The following RSU1 variants were observed in gnomAD, a reference collection of about 807,000 sequenced individuals.
The protein encoded by RSU1 is Ras suppressor protein 1, also known as rsu-1.
Under a neutral mutation model 31.1 loss-of-function variants are expected in RSU1, and 26 were observed. That is an observed-to-expected ratio of 0.84 (90% CI 0.61 to 1.16). The LOEUF is 1.16. Among genes scored for constraint, RSU1 ranks in the 50% most tolerant of loss-of-function variants. RSU1 has a pLI of 0.00. For synonymous variants in RSU1, 164 were observed against 136.3 expected (o/e 1.20, Z -1.41); for missense variants, 320 against 339.1 (o/e 0.94, Z 0.44).
chr10:16,625,317 G>A (rs926308659), intron 8 of RSU1, among the ~76,000 whole-genome samples: 2 of 152,096 alleles, frequency 1.3e-5, no homozygotes, highest in Non-Finnish European at 2.9e-5. Context: ...CACCAGGCCC[G>A]CCCCTACCCA....
At chr10:16,808,938 C>T (rs1278905825) in intron 2 of RSU1, among the ~76,000 whole-genome samples, 1 of 152,154 alleles carries the variant, frequency 6.6e-6, no homozygotes, top group Non-Finnish European at 1.5e-5. Flanking sequence ...AAGACGGCCA[C>T]CTGCAAGCCC....
At chr10:16,625,956 G>A (rs1013304329) in intron 8 of RSU1, among the ~76,000 whole-genome samples, 22 of 152,124 alleles carry the variant, frequency 1.4e-4, no homozygotes, top group Admixed American at 7.2e-4. Flanking sequence ...GTGAACATTC[G>A]GTAACATACA....
chr10:16,611,480 G>A (rs1025266587), intron 8 of RSU1, among the ~76,000 whole-genome samples: 3 of 152,134 alleles, frequency 2.0e-5, no homozygotes, highest in South Asian at 4.1e-4. Context: ...GGTGAGATCC[G>A]AAGACGCTAC....
At chr10:16,772,985 T>C (rs182197117) in intron 3 of RSU1, among the ~76,000 whole-genome samples, 5 of 152,212 alleles carry the variant, frequency 3.3e-5, no homozygotes, top group African/African-American at 7.2e-5. Flanking sequence ...GGTGGGTGGA[T>C]TGCTGGAGCC....
chr10:16,755,927 C>A (rs1480148166), intron 4 of RSU1, among the ~76,000 whole-genome samples: 1 of 152,158 alleles, frequency 6.6e-6, no homozygotes, highest in African/African-American at 2.4e-5. Flanking sequence ...TGTTATTTTC[C>A]TCCAACGGTG....
At chr10:16,719,432 T>C (rs559640372) in intron 7 of RSU1, among the ~76,000 whole-genome samples, 1 of 152,298 alleles carries the variant, frequency 6.6e-6, no homozygotes, top group South Asian at 2.1e-4. Context: ...AAACACACCA[T>C]GGGCTGTCGC....
intron 5 of RSU1, among the ~76,000 whole-genome samples, chr10:16,753,305 T>C (rs1460394087): frequency 6.6e-6 from 1 of 152,236 alleles, no homozygotes; most frequent in Non-Finnish European, 1.5e-5. Flanking sequence ...TTCTCATAGA[T>C]TACTTTTGAT....
intron 3 of RSU1, among the ~76,000 whole-genome samples, chr10:16,765,107 AT>A (rs200632390): frequency 4.5e-4 from 67 of 149,834 alleles, no homozygotes; most frequent in African/African-American, 1.2e-3. Context: ...TATAGGTGCA[AT>A]TTTTTTTTTC....
rs1837272366 is a variant in RSU1, at chr10:16,764,432, G to A, written c.239C>T (p.Thr80Ile). 2 of 1,613,986 alleles carry A rather than the reference G, an allele frequency of 1.2e-6. No individual in the cohort carries two copies. The highest frequency in any genetic ancestry group is 2.7e-5 in the African/African-American group (2 of 75,000). ...GAGTTTCTGAAGGCTACTGATCTGTGTGGGCAGCTCCTCGATTTGGTTATT... is the reference window on the plus strand; with the variant it reads ...GAGTTTCTGAAGGCTACTGATCTGTATGGGCAGCTCCTCGATTTGGTTATT... ...FFNNQIEELP[T>I]QISSLQKLKH... is the part of the protein sequence containing the mutation. Residue 80 changes from threonine to isoleucine, a missense_variant, in exon 4 of 9, where the codon ACA becomes ATA. Physicochemically the swap from Thr to Ile is moderately conservative, Grantham distance 89 (BLOSUM62 -1). Transcript: ENST00000345264.
chr10:16,787,924 A>G (rs1837828997), intron 2 of RSU1, among the ~76,000 whole-genome samples: 1 of 152,238 alleles, frequency 6.6e-6, no homozygotes, highest in African/African-American at 2.4e-5. Context: ...GGGAAGAAGA[A>G]AAGCATTTTT....
At chr10:16,614,410 A>T (rs1833941703) in intron 8 of RSU1, among the ~76,000 whole-genome samples, 1 of 141,240 alleles carries the variant, frequency 7.1e-6, no homozygotes, top group South Asian at 2.2e-4. Context: ...GTTAATGGTT[A>T]AAAAAAAAAA....
At chr10:16,806,882 T>C (rs201705657) in intron 2 of RSU1, among the ~76,000 whole-genome samples, 2 of 152,180 alleles carry the variant, frequency 1.3e-5, no homozygotes, top group Non-Finnish European at 2.9e-5. Flanking sequence ...GCCTCCCAAG[T>C]AGCTGGGATT....
chr10:16,600,778 T>A lies in RSU1; in HGVS notation c.732-7282A>T, dbSNP rs114634532. Among the ~76,000 whole-genome samples, 492 of 152,154 alleles carry A rather than the reference T, an allele frequency of 3.2e-3. 2 individuals carry two copies. Among genetic ancestry groups the A allele is most frequent in the African/African-American group, 0.011 (462 of 41,506 alleles). On this transcript the variant is annotated intron_variant, in intron 8 of 8. Coordinates refer to ENST00000345264, the MANE Select transcript of RSU1 (RefSeq NM_012425.4). ...GGGTCTCACTATGTTGCTAGGCTGG[T>A]TTCAAACTCTGGGGTTCAAGCAATC...
chr10:16,789,888 C>T (rs557198118), intron 2 of RSU1, among the ~76,000 whole-genome samples: 2 of 152,202 alleles, frequency 1.3e-5, no homozygotes, highest in African/African-American at 4.8e-5. Context: ...CAAAATTCAA[C>T]TCAGTAACTA....
intron 8 of RSU1, among the ~76,000 whole-genome samples, chr10:16,642,331 C>T (rs1834457046): frequency 6.6e-6 from 1 of 152,186 alleles, no homozygotes; most frequent in African/African-American, 2.4e-5. Context: ...CAACGTGCTG[C>T]TCTGCGGAGA....
At chr10:16,608,880 G>C (rs1293947813) in intron 8 of RSU1, among the ~76,000 whole-genome samples, 1 of 152,104 alleles carries the variant, frequency 6.6e-6, no homozygotes, top group Non-Finnish European at 1.5e-5. Flanking sequence ...TTGATCTGTT[G>C]CCCTGGCTGC....
chr10:16,758,549 C>A (rs952560369), intron 4 of RSU1, among the ~76,000 whole-genome samples: 1 of 152,148 alleles, frequency 6.6e-6, no homozygotes. Context: ...AGCTGCGTGA[C>A]CTTCACCAAG....
chr10:16,629,699 G>T (rs1315215691), intron 8 of RSU1, among the ~76,000 whole-genome samples: 2 of 152,086 alleles, frequency 1.3e-5, no homozygotes, highest in African/African-American at 4.8e-5. Flanking sequence ...TACTTGTTCT[G>T]CTCTGGAACA....
intron 8 of RSU1, among the ~76,000 whole-genome samples, chr10:16,596,690 T>A (rs1274432576): frequency 6.6e-6 from 1 of 152,182 alleles, no homozygotes; most frequent in Non-Finnish European, 1.5e-5. Flanking sequence ...CGTATGTACA[T>A]TTTTATTCAA....
Sources: allele counts gnomAD v4.1 joint callset (sites outside exome capture counted in the v4.1 genomes callset), GRCh38; gene constraint gnomAD v4.1.1; transcripts MANE v1.5; gene names NCBI Gene and HGNC (gene_info 2026-07-23, HGNC 2026-07-21).